HIRA: variants seen among roughly 807,000 people sequenced by gnomAD.
The protein encoded by HIRA is histone cell cycle regulator.
HIRA carries 13 observed loss-of-function variants against 126.6 expected under a neutral mutation model. The observed-to-expected ratio is 0.10, with a 90% CI of 0.07 to 0.16. The LOEUF (loss-of-function observed/expected upper bound fraction) is 0.16, where lower values mean the gene tolerates loss of function less well. Ranked by LOEUF, HIRA falls within the 10% of genes least tolerant of loss-of-function variation. The pLI is 1.00. For synonymous variants in HIRA, 511 were observed against 520.0 expected (o/e 0.98, Z 0.24); for missense variants, 834 against 1,314.4 (o/e 0.63, Z 5.65).
At chr22:19,356,823 A>T (rs2088816623) in intron 19 of HIRA, 67 bp downstream of exon 19, 2 of 1,468,336 alleles carry the variant, frequency 1.4e-6, no homozygotes, top group South Asian at 2.4e-5. Context: ...CCCTGCAGTG[A>T]GGTGGGGCCT....
intron 14 of HIRA, 37 bp downstream of exon 14, chr22:19,377,832 T>TC: frequency 6.6e-7 from 1 of 1,522,376 alleles, no homozygotes; most frequent in Non-Finnish European, 8.9e-7. Flanking sequence ...ACCTGAACTT[T>TC]CCCCAGGGAC....
chr22:19,399,674 C>T (rs1382610499), intron 5 of HIRA, among the ~76,000 whole-genome samples: 1 of 152,184 alleles, frequency 6.6e-6, no homozygotes, highest in Non-Finnish European at 1.5e-5. Context: ...TCCAAGATCC[C>T]TGTGGTTTTA....
At position 19,392,149 on chromosome 22, in the gene HIRA, C is replaced by T. The variant is rs749352038; in HGVS notation, c.888G>A (p.Pro296=). The change falls in exon 9 of 25, where the codon CCG becomes CCA. Residue 296 remains proline, a synonymous_variant. Transcript: ENST00000263208. ...KNGSSAKPSC[P]YCCCAVGSKD... Reference sequence around the variant, plus strand: ...TGCTGCCAACAGCACAGCAGCAGTACGGGCAGCTAGGCTTCGCAGAACTCC... The same window carrying T: ...TGCTGCCAACAGCACAGCAGCAGTATGGGCAGCTAGGCTTCGCAGAACTCC... The T allele has an allele frequency of 8.6e-5, 139 of 1,608,270 alleles. No individual in the cohort carries two copies. The highest frequency in any genetic ancestry group is 1.1e-4 in the Non-Finnish European group (128 of 1,175,434).
chr22:19,343,872 G>A (rs62222288), intron 24 of HIRA, among the ~76,000 whole-genome samples: 1 of 96,306 alleles, frequency 1.0e-5, no homozygotes. Flanking sequence ...GCCACAGTGA[G>A]GGGAAAAAAA....
intron 2 of HIRA, among the ~76,000 whole-genome samples, 169 bp downstream of exon 2, chr22:19,410,547 G>A (rs927978003): frequency 1.3e-5 from 2 of 152,154 alleles, no homozygotes; most frequent in African/African-American, 2.4e-5. Flanking sequence ...AGCCATAAAA[G>A]GATTTTGATT....
At chr22:19,407,049 C>G (rs937336286) in intron 4 of HIRA, 135 bp downstream of exon 4, 3 of 687,246 alleles carry the variant, frequency 4.4e-6, no homozygotes, top group Non-Finnish European at 7.6e-6. Context: ...TGCTCCTGAC[C>G]TACATGCACT....
chr22:19,424,193 C>T (rs1207191794), intron 1 of HIRA, among the ~76,000 whole-genome samples: 1 of 152,176 alleles, frequency 6.6e-6, no homozygotes, highest in Non-Finnish European at 1.5e-5. Flanking sequence ...GCATATGCTC[C>T]CCCAGGGAGG....
intron 13 of HIRA, among the ~76,000 whole-genome samples, chr22:19,382,594 G>C (rs1305375359): frequency 6.6e-6 from 1 of 152,176 alleles, no homozygotes; most frequent in Non-Finnish European, 1.5e-5. Flanking sequence ...CACCAAGGAA[G>C]ATTTGGAATA....
intron 24 of HIRA, among the ~76,000 whole-genome samples, chr22:19,346,133 T>C (rs973848029): frequency 6.6e-6 from 1 of 152,080 alleles, no homozygotes; most frequent in Non-Finnish European, 1.5e-5. Flanking sequence ...TCAGCATGGC[T>C]GGTTGGAAGT....
rs760600000 is a variant in HIRA at position 19,410,772 on chromosome 22, G to A, written c.44C>T (p.Pro15Leu). 4 of 1,613,502 alleles carry A rather than the reference G, an allele frequency of 2.5e-6. No homozygotes were observed. The highest frequency in any genetic ancestry group is 3.4e-6 in the Non-Finnish European group (4 of 1,179,758). The change falls in exon 2 of 25, where the codon CCG becomes CTG. Residue 15 changes from proline to leucine, a missense_variant. This residue lies in a region of HIRA where 102 missense variants were observed against 191.4 expected (regional missense o/e 0.53). Coordinates refer to ENST00000263208, the MANE Select transcript of HIRA (RefSeq NM_003325.4). The part of the protein sequence containing the change: ...KPTWVNHNGK[P>L]IFSVDIHPDG... The stretch of plus-strand genomic sequence containing the variant: ...AGGGTGAATATCAACTGAAAAAATC[G>A]GCTTGCCTGGAAACAAAGAAAAAAA...
chr22:19,409,246 G>C (rs549766775), intron 2 of HIRA, among the ~76,000 whole-genome samples: 1 of 151,738 alleles, frequency 6.6e-6, no homozygotes, highest in Admixed American at 6.6e-5. Flanking sequence ...TGTATTGCTC[G>C]GCTAAAAAAT....
rs551986828 is a variant in HIRA, at chr22:19,379,152, C to T, written c.1416-1086G>A. On this transcript the variant is annotated intron_variant, in intron 13 of 24. Coordinates refer to ENST00000263208, the MANE Select transcript of HIRA (RefSeq NM_003325.4). ...ACGCCATTCTCCTGCCTCAGCCTCC[C>T]GAGTATCCCGCCACCATGCCCGGCT... is the stretch of plus-strand genomic sequence containing the variant. Among the ~76,000 whole-genome samples, 112 of 151,650 alleles carry T rather than the reference C, an allele frequency of 7.4e-4. 2 individuals are homozygous for T. Among genetic ancestry groups the T allele is most frequent in the Admixed American group, 6.9e-3 (106 of 15,274 alleles).
rs768620441 is a variant in HIRA at position 19,396,792 on chromosome 22, C to A, written c.649G>T (p.Asp217Tyr). The A allele has an allele frequency of 1.5e-5, 25 of 1,613,970 alleles. No individual in the cohort carries two copies. The highest frequency in any genetic ancestry group is 2.0e-5 in the Non-Finnish European group (24 of 1,180,024). ...CCTGAGCTGTCCCCACTTACCTCAT[C>A]AAAAGGCTTGGTGATGCTGGTCTCC... The part of the protein sequence containing the change: ...QLETSITKPF[D>Y]ECGGTTHVLR... Residue 217 changes from aspartate to tyrosine, a missense_variant, in exon 7 of 25, where the codon GAT (aspartate) becomes TAT (tyrosine). Physicochemically the swap from Asp to Tyr is radical, Grantham distance 160. Coordinates refer to ENST00000263208, the MANE Select transcript of HIRA (RefSeq NM_003325.4).
rs746334340 is a variant in HIRA, at chr22:19,388,560, A to G, written c.937-6T>C. ...GGCCGTTTCAGACATGTGAGCTGGA[A>G]GGAAAGACACAGTCAAGGTTAATGA... is the stretch of plus-strand genomic sequence containing the variant. On this transcript the variant is annotated splice_polypyrimidine_tract_variant and splice_region_variant and intron_variant, in intron 9 of 24. Transcript: ENST00000263208. 4.2e-5 allele frequency: 68 copies of G among 1,610,390 alleles called. No homozygotes were observed. Among genetic ancestry groups the G allele is most frequent in the African/African-American group, 5.3e-5 (4 of 74,866 alleles).
chr22:19,415,059 C>A (rs533193462), intron 1 of HIRA, among the ~76,000 whole-genome samples: 1 of 152,226 alleles, frequency 6.6e-6, no homozygotes, highest in South Asian at 2.1e-4. Flanking sequence ...GATTCTCCTG[C>A]CTCAGCCTCC....
intron 24 of HIRA, among the ~76,000 whole-genome samples, chr22:19,340,293 C>T (rs985375432): frequency 4.6e-5 from 7 of 151,392 alleles, no homozygotes; most frequent in South Asian, 4.2e-4. Context: ...CAATAGATGC[C>T]GAAAAAGCAT....
intron 24 of HIRA, among the ~76,000 whole-genome samples, chr22:19,344,637 A>G (rs1314689739): frequency 1.3e-5 from 2 of 152,192 alleles, no homozygotes; most frequent in South Asian, 2.1e-4. Flanking sequence ...ATTTCATTCT[A>G]TGAGGACAGC....
At chr22:19,344,536 C>T (rs1161962747) in intron 24 of HIRA, among the ~76,000 whole-genome samples, 2 of 152,100 alleles carry the variant, frequency 1.3e-5, no homozygotes, top group Non-Finnish European at 2.9e-5. Flanking sequence ...TAAAGAAAAG[C>T]CTAGGATCAT....
chr22:19,431,500 G>A lies in HIRA; in HGVS notation c.-24C>T, dbSNP rs1481046674. On this transcript the variant is annotated 5_prime_UTR_variant, in exon 1 of 25. Transcript: ENST00000263208. Reference sequence around the variant, plus strand: ...ATTGTTCGGCCGCCGCCGCCGCCGGGCTGAGGCGAGCGCCGGGTCCCTCAG... The same window carrying A: ...ATTGTTCGGCCGCCGCCGCCGCCGGACTGAGGCGAGCGCCGGGTCCCTCAG... The A allele has an allele frequency of 3.2e-6, 5 of 1,563,326 alleles. No homozygotes were observed. The highest frequency in any genetic ancestry group is 4.3e-6 in the Non-Finnish European group (5 of 1,155,860).
Sources: gnomAD v4.1 joint callset for allele counts (sites outside exome capture counted in the v4.1 genomes callset) on GRCh38, gnomAD v4.1.1 for gene constraint, gnomAD v4.1.1 regional missense constraint, MANE v1.5 for transcripts, NCBI Gene and HGNC (gene_info 2026-07-23, HGNC 2026-07-21) for gene names.